PTGER3: variants seen among roughly 807,000 people sequenced by gnomAD.
The protein encoded by PTGER3 is prostaglandin E2 receptor EP3 subtype.
In PTGER3, 22 loss-of-function variants were observed where a neutral mutation model predicts 34.7. The ratio of observed to expected loss-of-function variants is 0.63; its 90% CI spans 0.45 to 0.91. The LOEUF is 0.91. Among genes scored for constraint, PTGER3 ranks in the 40% least tolerant of loss-of-function variants. The pLI, the probability that PTGER3 is intolerant of heterozygous loss-of-function variation, is 0.00. For missense variants in PTGER3, 468 were observed against 519.4 expected (o/e 0.90, Z 0.96); for synonymous variants, 241 against 230.1 (o/e 1.05, Z -0.43).
chr1:70,955,145 A>G (rs1464484655), intron 2 of PTGER3, among the ~76,000 whole-genome samples: 1 of 152,182 alleles, frequency 6.6e-6, no homozygotes, highest in African/African-American at 2.4e-5. Flanking sequence ...GTAGCCAGAC[A>G]AACTTGAGTT....
rs1377942199 is a variant in PTGER3 at position 71,046,748 on chromosome 1, G to A, written c.830C>T (p.Thr277Met). ...SQSSAQWGRI[T>M]TETAIQLMGI... ...CATAAGCTGAATGGCCGTCTCGGTC[G>A]TGATGCGGCCCCACTGGGCACTGGA... Residue 277 changes from threonine (T) to methionine (M), a missense_variant, in exon 1 of 4, where the codon ACG (threonine) becomes ATG (methionine). Coordinates refer to ENST00000306666, the MANE Select transcript of PTGER3 (RefSeq NM_198719.2). The A allele has an allele frequency of 6.2e-7, 1 of 1,612,456 alleles. No homozygotes were observed. Among genetic ancestry groups the A allele is most frequent in the Non-Finnish European group, 8.5e-7 (1 of 1,179,272 alleles).
intron 4 of PTGER3, among the ~76,000 whole-genome samples, chr1:70,919,234 C>A (rs1044353197): frequency 1.3e-5 from 2 of 152,040 alleles, no homozygotes; most frequent in African/African-American, 4.8e-5. Flanking sequence ...CCAAATAGAC[C>A]CTGAGTTTTG....
In PTGER3 at chr1:71,047,084, T is replaced by TA; in HGVS notation, c.493dup (p.Tyr165LeufsTer56). The TA allele has an allele frequency of 6.2e-7, 1 of 1,610,200 alleles. No homozygotes were observed. The highest frequency in any genetic ancestry group is 8.5e-7 in the Non-Finnish European group (1 of 1,178,784). On this transcript the variant is annotated frameshift_variant, in exon 1 of 4. Transcript: ENST00000306666. LOFTEE classifies it high-confidence loss of function. ...GGCACGCGTCTTCATGTGGCTCGCATACCAGTGCGGCGCCCTGATGGCCAG... is the reference window on the plus strand; with the variant it reads ...GGCACGCGTCTTCATGTGGCTCGCATAACCAGTGCGGCGCCCTGATGGCCAG...
intron 1 of PTGER3, among the ~76,000 whole-genome samples, chr1:71,040,035 CAGAA>C (rs919168635): frequency 2.9e-5 from 4 of 136,988 alleles, no homozygotes; most frequent in East Asian, 4.2e-4. Context: ...ATTTTTGTTT[CAGAA>C]AGAAAGAGAG....
chr1:70,934,897 G>A (rs915886276), intron 4 of PTGER3, among the ~76,000 whole-genome samples: 5 of 152,118 alleles, frequency 3.3e-5, no homozygotes, highest in African/African-American at 9.7e-5. Context: ...GTCAGCCGTC[G>A]AAATGATTGC....
Position 70,971,619 on chromosome 1 carries a change from A to C in PTGER3, c.*111T>G. Reference sequence around the variant, plus strand: ...ACAATCATTAAAATAAAAAGATAAAAATGAAGAAATAATCCAAATTAAAAT... The same window carrying C: ...ACAATCATTAAAATAAAAAGATAAACATGAAGAAATAATCCAAATTAAAAT... On this transcript the variant is annotated 3_prime_UTR_variant, in exon 4 of 4. Coordinates refer to ENST00000306666, the MANE Select transcript of PTGER3 (RefSeq NM_198719.2). The C allele has an allele frequency of 7.1e-7, 1 of 1,401,954 alleles. No homozygotes were observed. The highest frequency in any genetic ancestry group is 9.3e-7 in the Non-Finnish European group (1 of 1,071,098). The allele number at this position is 1,401,954 out of a possible 1,614,324, so 86.8% of individuals were successfully genotyped here.
In PTGER3 at chr1:71,044,832, C is replaced by G. The variant is rs189223727; in HGVS notation, c.897+1849G>C. Among the ~76,000 whole-genome samples the G allele has an allele frequency of 1.6e-3, 236 of 152,014 alleles. 1 individual carries two copies. Among genetic ancestry groups the G allele is most frequent in the African/African-American group, 3.9e-3 (160 of 41,468 alleles). ...ATTGATTTAACTGCATTTTTTTTCC[C>G]TAGGATATAAATCATGTGATACAGC... On this transcript the variant is annotated intron_variant, in intron 1 of 3. Transcript: ENST00000306666.
chr1:70,929,300 G>A (rs1448798017), intron 4 of PTGER3, among the ~76,000 whole-genome samples: 1 of 152,154 alleles, frequency 6.6e-6, no homozygotes, highest in Non-Finnish European at 1.5e-5. Flanking sequence ...TCATTCAGCA[G>A]TAACATCTTG....
At chr1:71,025,783 C>T (rs1190954672) in intron 1 of PTGER3, among the ~76,000 whole-genome samples, 2 of 152,176 alleles carry the variant, frequency 1.3e-5, no homozygotes, top group African/African-American at 4.8e-5. Context: ...TTGGTTGCAA[C>T]TTTTTCCCTT....
At position 71,046,788 on chromosome 1, in the gene PTGER3, C is replaced by T. The variant is rs775784319; in HGVS notation, c.790G>A (p.Ala264Thr). 6.2e-7 allele frequency: 1 copy of T among 1,614,076 alleles called. No homozygotes were observed. Among genetic ancestry groups the T allele is most frequent in the African/African-American group, 1.3e-5 (1 of 75,070 alleles). The change falls in exon 1 of 4, where the codon GCC (alanine) becomes ACC (threonine). Residue 264 changes from alanine (A) to threonine (T), a missense_variant. Physicochemically the swap from Ala to Thr is moderately conservative, Grantham distance 58. This residue lies in a region of PTGER3 where 204 missense variants were observed against 230.8 expected (regional missense o/e 0.88). Transcript: ENST00000306666. ...KALVSRCRAK[A>T]TASQSSAQWG... ...TGGGCACTGGACTGAGATGCCGTGGCCTTGGCCCGGCAGCGGGACACCAGG... is the reference window on the plus strand; with the variant it reads ...TGGGCACTGGACTGAGATGCCGTGGTCTTGGCCCGGCAGCGGGACACCAGG...
intron 4 of PTGER3, chr1:70,865,953 A>G (rs1190660319): frequency 2.0e-6 from 1 of 494,964 alleles, no homozygotes; most frequent in Non-Finnish European, 3.2e-6. Flanking sequence ...ATTCCTACTC[A>G]TTTCTTCTTC....
chr1:71,010,732 G>T (rs1034045096), intron 2 of PTGER3: 1 of 984,992 alleles, frequency 1.0e-6, no homozygotes. Context: ...TAGATTAGTA[G>T]AACCATCATT....
At chr1:70,940,665 T>A (rs963525012) in intron 4 of PTGER3, among the ~76,000 whole-genome samples, 1 of 152,134 alleles carries the variant, frequency 6.6e-6, no homozygotes, top group Admixed American at 6.6e-5. Flanking sequence ...CTTGTGAGAC[T>A]TTTTTACCAT....
intron 4 of PTGER3, chr1:70,869,399 AC>A: frequency 2.5e-6 from 1 of 400,406 alleles, no homozygotes; most frequent in South Asian, 1.9e-5. Context: ...CCTCTTCTCC[AC>A]CCCTAAATCT....
At position 70,902,606 on chromosome 1, in the gene PTGER3, G is replaced by A. The variant is rs542711709; in HGVS notation, c.*24-49747C>T. ...AGAGAGCAGTCTTTCTTAATGATTA[G>A]AAATACTTCACAGAAGAGGGTGGAA... On this transcript the variant is annotated intron_variant, in intron 4 of 4. Coordinates refer to the PTGER3 transcript ENST00000370931. 6.6e-5 allele frequency among the ~76,000 whole-genome samples: 10 copies of A among 152,316 alleles called. No homozygotes were observed. The South Asian group carries it at 2.1e-3, about 32-fold the overall frequency.
intron 4 of PTGER3, among the ~76,000 whole-genome samples, chr1:70,908,582 C>T (rs1646997909): frequency 6.6e-6 from 1 of 152,160 alleles, no homozygotes; most frequent in Non-Finnish European, 1.5e-5. Context: ...CTTTCCCATT[C>T]CCCTGTTGGA....
downstream of PTGER3, among the ~76,000 whole-genome samples, chr1:70,968,426 CTTTAT>C (rs529142607): frequency 2.2e-3 from 331 of 152,134 alleles, 2 homozygotes; most frequent in Admixed American, 2.9e-3. Flanking sequence ...AAGGATCTTA[CTTTAT>C]TTTGAGGGTT....
chr1:70,962,862 C>T (rs1332912655), intron 2 of PTGER3, among the ~76,000 whole-genome samples: 1 of 152,198 alleles, frequency 6.6e-6, no homozygotes, highest in Admixed American at 6.5e-5. Flanking sequence ...TCCCAACACT[C>T]CCCCAAAGTC....
chr1:70,898,643 G>C (rs1646773223), intron 4 of PTGER3, among the ~76,000 whole-genome samples: 1 of 152,078 alleles, frequency 6.6e-6, no homozygotes. Context: ...CCACTTACTA[G>C]CTATGTACCT....
Sources: gnomAD v4.1 joint callset for allele counts (sites outside exome capture counted in the v4.1 genomes callset) on GRCh38, gnomAD v4.1.1 for gene constraint, gnomAD v4.1.1 regional missense constraint, MANE v1.5 for transcripts, NCBI Gene and HGNC (gene_info 2026-07-23, HGNC 2026-07-21) for gene names.